Variants in GPC3 observed in about 807,000 individuals in gnomAD.
The protein encoded by GPC3 is glypican 3.
GPC3 carries 3 observed loss-of-function variants against 34.4 expected under a neutral mutation model. The ratio of observed to expected loss-of-function variants is 0.09; its 90% CI spans 0.04 to 0.23. GPC3 has a LOEUF of 0.23. Ranked by LOEUF, GPC3 falls within the 10% of genes least tolerant of loss-of-function variation. The pLI is 1.00. For missense variants in GPC3, 351 were observed against 445.6 expected (o/e 0.79, Z 1.91); for synonymous variants, 177 against 174.0 (o/e 1.02, Z -0.13).
chrX:133,747,344 T>C (rs774483188), intron 3 of GPC3, among the ~76,000 whole-genome samples: 8 of 111,653 alleles, frequency 7.2e-5, no homozygotes, highest in Admixed American at 1.9e-4. Flanking sequence ...TGCACAAACA[T>C]TCCTTCTTTT....
At chrX:133,680,573 C>G (rs187073409) in intron 5 of GPC3, among the ~76,000 whole-genome samples, 15 of 111,773 alleles carry the variant, frequency 1.3e-4, no homozygotes, top group Non-Finnish European at 2.1e-4. Context: ...TGAGACAAAC[C>G]CATGGATCAA....
chrX:133,735,717 C>A (rs756765580), intron 3 of GPC3, among the ~76,000 whole-genome samples: 1 of 110,897 alleles, frequency 9.0e-6, no homozygotes, highest in Admixed American at 9.6e-5. Flanking sequence ...AATCCCAACA[C>A]TTTGGGAGGC....
chrX:133,696,703 A>G (rs766651221), intron 4 of GPC3, among the ~76,000 whole-genome samples: 1 of 112,328 alleles, frequency 8.9e-6, no homozygotes, highest in African/African-American at 3.2e-5. Flanking sequence ...AAAAAAGAGG[A>G]TAGAAAGTTT....
chrX:133,878,049 T>G (rs1257596887), intron 2 of GPC3, among the ~76,000 whole-genome samples: 2 of 112,330 alleles, frequency 1.8e-5, no homozygotes, highest in South Asian at 7.4e-4. Flanking sequence ...TTAACTTACT[T>G]TTTTTCTCTA....
chrX:133,691,742 T>A (rs1026290954), intron 5 of GPC3, among the ~76,000 whole-genome samples: 6 of 111,791 alleles, frequency 5.4e-5, no homozygotes, highest in Non-Finnish European at 1.1e-4. Context: ...TAACTCTCAA[T>A]AAATGATAGC....
chrX:133,593,617 A>G (rs1189587933), intron 7 of GPC3, among the ~76,000 whole-genome samples: 1 of 110,731 alleles, frequency 9.0e-6, no homozygotes, highest in Non-Finnish European at 1.9e-5. Context: ...AATGCCTTCA[A>G]AAGATTAACC....
rs367679653 is a variant in GPC3 at position 133,699,930 on chromosome X, A to G, written c.1131T>C (p.His377=). 1.5e-5 allele frequency: 18 copies of G among 1,202,489 alleles called. No individual in the cohort carries two copies. The highest frequency in any genetic ancestry group is 6.6e-5 in the Admixed American group (3 of 45,674). ...FIDKKVLKVA[H]VEHEETLSSR... is the part of the protein sequence containing the mutation. ...TGGATAAGGTTTCTTCATGTTCTAC[A>G]TGAGCAACTTTTAATACTTTCTTGT... The change falls in exon 4 of 8, where the codon CAT becomes CAC. Residue 377 remains histidine (H), a synonymous_variant. Coordinates refer to ENST00000370818, the MANE Select transcript of GPC3 (RefSeq NM_004484.4).
At chrX:133,634,713 G>A (rs1347096194) in intron 6 of GPC3, among the ~76,000 whole-genome samples, 5 of 112,050 alleles carry the variant, frequency 4.5e-5, no homozygotes, top group Non-Finnish European at 3.8e-5. Context: ...GGCCTATGGG[G>A]CAACTTGTTG....
At chrX:133,969,393 A>G (rs1402226425) in intron 1 of GPC3, among the ~76,000 whole-genome samples, 2 of 111,961 alleles carry the variant, frequency 1.8e-5, no homozygotes, top group Non-Finnish European at 3.8e-5. Flanking sequence ...AAAGAATGGG[A>G]CCCCACATTC....
intron 6 of GPC3, among the ~76,000 whole-genome samples, chrX:133,647,157 A>G (rs1396877859): frequency 8.9e-6 from 1 of 112,482 alleles, no homozygotes; most frequent in African/African-American, 3.2e-5. Flanking sequence ...TATCTTTTCC[A>G]TGTGCAAAAT....
chrX:133,717,127 A>G (rs2071321654), intron 3 of GPC3, among the ~76,000 whole-genome samples: 1 of 110,050 alleles, frequency 9.1e-6, no homozygotes, highest in African/African-American at 3.3e-5. Flanking sequence ...AAGATCGGCT[A>G]ATTTTTGTAT....
At chrX:133,965,028 C>T (rs1163504170) in intron 1 of GPC3, among the ~76,000 whole-genome samples, 1 of 111,413 alleles carries the variant, frequency 9.0e-6, no homozygotes, top group Non-Finnish European at 1.9e-5. Context: ...TCTCAGGAAG[C>T]GCACTGACAT....
chrX:133,758,705 A>G (rs1333641803), intron 2 of GPC3, among the ~76,000 whole-genome samples: 5 of 111,526 alleles, frequency 4.5e-5, no homozygotes, highest in African/African-American at 1.6e-4. Context: ...AACTTAAAAT[A>G]AAATTAAAAA....
chrX:133,713,302 G>A (rs1476303153), intron 3 of GPC3, among the ~76,000 whole-genome samples: 1 of 111,934 alleles, frequency 8.9e-6, no homozygotes, highest in East Asian at 2.8e-4. Flanking sequence ...AGCTATGGTG[G>A]GTAAAACTGC....
intron 2 of GPC3, among the ~76,000 whole-genome samples, chrX:133,849,837 A>C (rs2075864199): frequency 9.0e-6 from 1 of 111,644 alleles, no homozygotes. Context: ...TTCCTATCAG[A>C]CAAGAAGTCC....
intron 2 of GPC3, among the ~76,000 whole-genome samples, chrX:133,903,025 A>G (rs1002559796): frequency 1.5e-4 from 17 of 110,697 alleles, no homozygotes; most frequent in African/African-American, 4.3e-4. Context: ...CGGGCAGATC[A>G]CTTGAGGTCA....
At chrX:133,595,023 C>T (rs1362037155) in intron 7 of GPC3, among the ~76,000 whole-genome samples, 1 of 110,736 alleles carries the variant, frequency 9.0e-6, no homozygotes, top group Non-Finnish European at 1.9e-5. Context: ...AGCGCCATTG[C>T]ACTCCAGCCT....
chrX:133,825,735 A>G (rs2075742982), intron 2 of GPC3, among the ~76,000 whole-genome samples: 1 of 112,163 alleles, frequency 8.9e-6, no homozygotes, highest in South Asian at 3.7e-4. Flanking sequence ...CTCGGGAAAG[A>G]CCTGAGAAGG....
intron 7 of GPC3, among the ~76,000 whole-genome samples, chrX:133,540,288 A>C (rs1461336490): frequency 1.8e-5 from 2 of 112,948 alleles, no homozygotes; most frequent in Non-Finnish European, 3.7e-5. Flanking sequence ...AATTGCAAAA[A>C]TATGGATCCA....
Sources: allele counts gnomAD v4.1 joint callset (sites outside exome capture counted in the v4.1 genomes callset), GRCh38; gene constraint gnomAD v4.1.1; transcripts MANE v1.5; gene names NCBI Gene and HGNC (gene_info 2026-07-23, HGNC 2026-07-21).